SLC6A6: variants seen among roughly 807,000 people sequenced by gnomAD.
SLC6A6 encodes the protein solute carrier family 6 member 6.
A neutral mutation model predicts 68.8 loss-of-function variants in SLC6A6; 16 were observed. The ratio of observed to expected loss-of-function variants is 0.23; its 90% CI spans 0.16 to 0.35. The LOEUF is 0.35. Among genes scored for constraint, SLC6A6 ranks in the 10% least tolerant of loss-of-function variants. The pLI, the probability that SLC6A6 is intolerant of heterozygous loss-of-function variation, is 1.00. For synonymous variants in SLC6A6, 312 were observed against 315.4 expected, an observed-to-expected ratio of 0.99 and a Z score of 0.12; for missense variants, 474 against 802.8, an observed-to-expected ratio of 0.59 and a Z score of 4.95.
intron 6 of SLC6A6, among the ~76,000 whole-genome samples, chr3:14,460,629 G>T (rs1385259247): frequency 1.3e-5 from 2 of 152,220 alleles, no homozygotes; most frequent in Non-Finnish European, 2.9e-5. Context: ...GCAGAATACA[G>T]GAGAATAGTG....
rs1308796937 is a variant in SLC6A6, at chr3:14,477,253, T to G, written c.1258T>G (p.Ser420Ala). The G allele has an allele frequency of 6.2e-7, 1 of 1,612,642 alleles. No homozygotes were observed. The change falls in exon 11 of 15, where the codon TCC (serine) becomes GCC (alanine). Residue 420 changes from serine to alanine, a missense_variant. This residue lies in a region of SLC6A6 where 280 missense variants were observed against 533.1 expected (regional missense o/e 0.53). Transcript: ENST00000622186. The surrounding 1 kb of genome is among the most constrained non-coding windows in gnomAD (Gnocchi z 4.2). ...QITSLVDLYP[S>A]FLRKGYRREI... ...CACATCCTTGGTTGATCTTTACCCA[T>G]CCTTCCTAAGGAAGGGTTATCGTCG...
intron 10 of SLC6A6, among the ~76,000 whole-genome samples, chr3:14,474,797 G>A (rs77646542): frequency 2.0e-3 from 305 of 152,316 alleles, no homozygotes; most frequent in Non-Finnish European, 3.4e-3. Context: ...TCCTCCTGTT[G>A]GAAGTATGGA....
At chr3:14,463,561 C>T (rs1700544535) in intron 6 of SLC6A6, among the ~76,000 whole-genome samples, 1 of 152,226 alleles carries the variant, frequency 6.6e-6, no homozygotes, top group South Asian at 2.1e-4. Context: ...TATTGTTCGC[C>T]AGCCCGGGTG....
chr3:14,452,767 T>C (rs1469115676), intron 5 of SLC6A6, among the ~76,000 whole-genome samples: 2 of 152,176 alleles, frequency 1.3e-5, no homozygotes, highest in Admixed American at 6.5e-5. Flanking sequence ...GGCTTTATAA[T>C]TGAGCGCCGA....
intron 13 of SLC6A6, among the ~76,000 whole-genome samples, chr3:14,480,340 G>A (rs1250991972): frequency 1.3e-5 from 2 of 152,220 alleles, no homozygotes; most frequent in Non-Finnish European, 2.9e-5. Context: ...CTTGTGGGCA[G>A]CTCTTCTCAG....
chr3:14,443,638 G>A lies in SLC6A6; in HGVS notation c.4G>A (p.Ala2Thr), dbSNP rs1320425471. ...GTCCCCCATAGAAAGCAAGGAGATGGCCACCAAGGAGAAGCTGCAGTGTCT... is the reference window on the plus strand; with the variant it reads ...GTCCCCCATAGAAAGCAAGGAGATGACCACCAAGGAGAAGCTGCAGTGTCT... M[A>T]TKEKLQCLKD... Residue 2 changes from alanine to threonine, a missense_variant, in exon 3 of 15, where the codon GCC becomes ACC. This residue lies in a region of SLC6A6 where 280 missense variants were observed against 533.1 expected (regional missense o/e 0.53). Transcript: ENST00000622186. The A allele has an allele frequency of 2.5e-6, 4 of 1,608,072 alleles. No homozygotes were observed. The highest frequency in any genetic ancestry group is 2.6e-6 in the Non-Finnish European group (3 of 1,175,282).
At position 14,446,527 on chromosome 3, in the gene SLC6A6, A is replaced by G. The variant is rs557632597; in HGVS notation, c.364+676A>G. ...TTTCATGCAATATTCTTCTGTCACAAACCTGCACCTGCACCCCCTGAATCT... is the reference window on the plus strand; with the variant it reads ...TTTCATGCAATATTCTTCTGTCACAGACCTGCACCTGCACCCCCTGAATCT... On this transcript the variant is annotated intron_variant, in intron 4 of 14. Coordinates refer to ENST00000622186, the MANE Select transcript of SLC6A6 (RefSeq NM_003043.6). Among the ~76,000 whole-genome samples the G allele has an allele frequency of 9.3e-4, 142 of 152,320 alleles. 4 individuals carry two copies. The South Asian group carries it at 0.027, about 29-fold the overall frequency.
At chr3:14,441,438 C>T (rs924595347) in intron 2 of SLC6A6, among the ~76,000 whole-genome samples, 11 of 152,134 alleles carry the variant, frequency 7.2e-5, no homozygotes, top group African/African-American at 4.8e-5. Flanking sequence ...CGCCCGGCCC[C>T]GAGGGAGCAG....
chr3:14,474,573 A>G (rs956934124), intron 10 of SLC6A6, among the ~76,000 whole-genome samples: 24 of 152,250 alleles, frequency 1.6e-4, no homozygotes, highest in African/African-American at 5.1e-4. Context: ...CTTTTTGTAC[A>G]TGAACTCCTT....
intron 2 of SLC6A6, among the ~76,000 whole-genome samples, chr3:14,429,416 T>G (rs928671152): frequency 6.6e-6 from 1 of 152,224 alleles, no homozygotes; most frequent in African/African-American, 2.4e-5. Flanking sequence ...GGGATGATCC[T>G]GGACTTAGTG....
chr3:14,473,246 G>C (rs556931913), intron 10 of SLC6A6, among the ~76,000 whole-genome samples: 9 of 152,336 alleles, frequency 5.9e-5, no homozygotes, highest in African/African-American at 1.7e-4. Flanking sequence ...GCACAGGCAT[G>C]ACTCCAGGAG....
chr3:14,425,701 G>T (rs1031214033), intron 2 of SLC6A6, among the ~76,000 whole-genome samples: 1 of 148,130 alleles, frequency 6.8e-6, no homozygotes, highest in Admixed American at 6.8e-5. Flanking sequence ...TGAGGGGTGG[G>T]TGGGGGACTC....
At position 14,450,524 on chromosome 3, in the gene SLC6A6, C is replaced by G. The variant is rs868795297; in HGVS notation, c.599+2708C>G. 6.6e-6 allele frequency among the ~76,000 whole-genome samples: 1 copy of G among 152,230 alleles called. No homozygotes were observed. The highest frequency in any genetic ancestry group is 2.4e-5 in the African/African-American group (1 of 41,464). ...CTCTCACACCTCTCCTACCCCTGCA[C>G]CCCTAGCCCCAGATTCCAGCAGAGC... On this transcript the variant is annotated intron_variant, in intron 5 of 14. Transcript: ENST00000622186. This position sits in a 1 kb window ranked among gnomAD's most constrained non-coding sequence, Gnocchi z 4.1.
chr3:14,475,340 GT>G (rs201739122), intron 10 of SLC6A6, among the ~76,000 whole-genome samples: 11 of 151,936 alleles, frequency 7.2e-5, no homozygotes, highest in South Asian at 4.2e-4. Flanking sequence ...CTGGGACATG[GT>G]TTTTTTTAAC....
At chr3:14,452,495 C>T (rs776496736) in intron 5 of SLC6A6, among the ~76,000 whole-genome samples, 4 of 152,232 alleles carry the variant, frequency 2.6e-5, no homozygotes, top group African/African-American at 7.2e-5. Context: ...CTCCAGCTAA[C>T]CTTTTGTCTG....
At chr3:14,470,210 A>G (rs1700720308) in intron 9 of SLC6A6, among the ~76,000 whole-genome samples, 1 of 152,154 alleles carries the variant, frequency 6.6e-6, no homozygotes, top group Non-Finnish European at 1.5e-5. Context: ...TATATTGTCA[A>G]TCTCAGTTGT....
rs374763222 is a variant in SLC6A6, at chr3:14,457,845, G to A, written c.600-105G>A. On this transcript the variant is annotated intron_variant, in intron 5 of 14. Coordinates refer to ENST00000622186, the MANE Select transcript of SLC6A6 (RefSeq NM_003043.6). Reference sequence around the variant, plus strand: ...GTGAGGTGACTTATGTAAATGCAGCGCCTCAGGTGGGATTTGACCCCCAGC... The same window carrying A: ...GTGAGGTGACTTATGTAAATGCAGCACCTCAGGTGGGATTTGACCCCCAGC... 357 of 1,006,632 alleles carry A rather than the reference G, an allele frequency of 3.5e-4. 1 individual carries two copies. In the African/African-American group the frequency reaches 5.2e-3, roughly 15 times the overall value. The allele number at this position is 1,006,632 out of a possible 1,614,324, so 62.4% of individuals were successfully genotyped here. A position where few individuals can be genotyped will look rare whatever the true frequency, so the allele number is the denominator to read the frequency against.
intron 2 of SLC6A6, among the ~76,000 whole-genome samples, chr3:14,423,030 C>G (rs963827845): frequency 1.1e-4 from 17 of 152,172 alleles, no homozygotes; most frequent in African/African-American, 3.1e-4. Flanking sequence ...GGGTCCACAT[C>G]AATGAGAAGG....
intron 12 of SLC6A6, chr3:14,478,832 C>G (rs1700942826): frequency 1.0e-5 from 6 of 592,094 alleles, no homozygotes; most frequent in Non-Finnish European, 1.8e-5. Context: ...CTCCTTGAGG[C>G]CTTGGGTTTG....
Sources: allele counts gnomAD v4.1 joint callset (sites outside exome capture counted in the v4.1 genomes callset), GRCh38; gene constraint gnomAD v4.1.1; regional missense constraint gnomAD v4.1.1; non-coding constraint Gnocchi (gnomAD v3.1); transcripts MANE v1.5; gene names NCBI Gene and HGNC (gene_info 2026-07-23, HGNC 2026-07-21).